IQCH: variants seen among roughly 807,000 people sequenced by gnomAD.
The protein encoded by IQCH is IQ domain-containing protein H.
A neutral mutation model predicts 117.0 loss-of-function variants in IQCH; 98 were observed. That is an observed-to-expected ratio of 0.84 (90% confidence interval 0.71 to 0.99). IQCH has a LOEUF of 0.99. Among genes scored for constraint, IQCH ranks in the 50% least tolerant of loss-of-function variants. IQCH has a pLI of 0.00. For synonymous variants in IQCH, 412 were observed against 448.2 expected (o/e 0.92, Z 1.02); for missense variants, 1,102 against 1,243.8 (o/e 0.89, Z 1.72).
intron 16 of IQCH, among the ~76,000 whole-genome samples, chr15:67,460,531 C>T (rs965775248): frequency 5.3e-5 from 8 of 152,298 alleles, no homozygotes; most frequent in South Asian, 2.1e-4. Flanking sequence ...ACTGCCAAAA[C>T]GTTGGACAGC....
Position 67,353,223 on chromosome 15 carries a change from A to T in IQCH, c.638-4122A>T, listed in dbSNP as rs544261859. 4.8e-3 allele frequency among the ~76,000 whole-genome samples: 733 copies of T among 152,104 alleles called. 6 individuals carry two copies. The highest frequency in any genetic ancestry group is 0.017 in the African/African-American group (701 of 41,534). The stretch of plus-strand genomic sequence containing the variant: ...TAAGCCTAATTAAACACAAGAAGAC[A>T]GAAAAAGAAAAGCAGTAAACTGGGA... On this transcript the variant is annotated intron_variant, in intron 6 of 20. Coordinates refer to ENST00000335894, the MANE Select transcript of IQCH (RefSeq NM_001031715.3).
In IQCH at chr15:67,493,010, G is replaced by C. The variant is rs1307437589; in HGVS notation, c.2862-1248G>C. ...CACCTGTACCTGAGATTTCAGGCAAGGATGCCTTGACCTGCAGGCTAGTTT... is the reference window on the plus strand; with the variant it reads ...CACCTGTACCTGAGATTTCAGGCAACGATGCCTTGACCTGCAGGCTAGTTT... On this transcript the variant is annotated intron_variant, in intron 19 of 20. Transcript: ENST00000335894. This position sits in a 1 kb window ranked among gnomAD's most constrained non-coding sequence, Gnocchi z 5.1. Among the ~76,000 whole-genome samples, 3 of 152,188 alleles carry C rather than the reference G, an allele frequency of 2.0e-5. No homozygotes were observed. The highest frequency in any genetic ancestry group is 2.0e-4 in the Admixed American group (3 of 15,278).
At chr15:67,333,759 A>C (rs1968772803) in intron 4 of IQCH, among the ~76,000 whole-genome samples, 1 of 152,126 alleles carries the variant, frequency 6.6e-6, no homozygotes, top group African/African-American at 2.4e-5. Flanking sequence ...TATTTTTTAC[A>C]TTTTCAAAAA....
intron 4 of IQCH, among the ~76,000 whole-genome samples, chr15:67,311,026 T>C (rs907981693): frequency 6.6e-6 from 1 of 152,136 alleles, no homozygotes; most frequent in Admixed American, 6.6e-5. Flanking sequence ...CACTATCTTA[T>C]TTAACCCTTA....
intron 4 of IQCH, among the ~76,000 whole-genome samples, chr15:67,291,371 T>C (rs1418823339): frequency 1.3e-5 from 2 of 152,252 alleles, no homozygotes; most frequent in Middle Eastern, 3.4e-3. Flanking sequence ...TTCTAGAATT[T>C]CCTGGAATCT....
At chr15:67,383,608 TA>T (rs1263954774) in intron 10 of IQCH, among the ~76,000 whole-genome samples, 1 of 152,192 alleles carries the variant, frequency 6.6e-6, no homozygotes, top group Non-Finnish European at 1.5e-5. Context: ...TACATCTTTC[TA>T]AACATTTATT....
chr15:67,412,212 C>G lies in IQCH; in HGVS notation c.2098-4719C>G, dbSNP rs183956019. ...AAAGTCAAGTGTATTTTTTCTAGCA[C>G]TTGTTTATTATCAACAAGGTATATA... is the stretch of plus-strand genomic sequence containing the variant. On this transcript the variant is annotated intron_variant, in intron 14 of 20. Transcript: ENST00000335894. Among the ~76,000 whole-genome samples the G allele has an allele frequency of 1.6e-3, 246 of 152,294 alleles. 1 individual carries two copies. The highest frequency in any genetic ancestry group is 1.5e-3 in the Non-Finnish European group (102 of 68,026).
chr15:67,290,041 T>C (rs1966699609), intron 4 of IQCH, among the ~76,000 whole-genome samples: 2 of 152,086 alleles, frequency 1.3e-5, no homozygotes, highest in African/African-American at 4.8e-5. Flanking sequence ...TTGAATCTTT[T>C]GTCTTCATTC....
At chr15:67,350,724 C>G (rs779799471) in intron 6 of IQCH, among the ~76,000 whole-genome samples, 3 of 152,064 alleles carry the variant, frequency 2.0e-5, no homozygotes, top group Non-Finnish European at 4.4e-5. Context: ...CCGTGCCTAG[C>G]CTGGAATTAT....
At chr15:67,280,032 A>T (rs1364748785) in intron 4 of IQCH, among the ~76,000 whole-genome samples, 1 of 152,156 alleles carries the variant, frequency 6.6e-6, no homozygotes, top group African/African-American at 2.4e-5. Flanking sequence ...AAAAATGTGA[A>T]TTTTATGGTA....
chr15:67,315,201 A>G (rs1967789507), intron 4 of IQCH, among the ~76,000 whole-genome samples: 1 of 152,194 alleles, frequency 6.6e-6, no homozygotes, highest in South Asian at 2.1e-4. Flanking sequence ...GCCTGATCTG[A>G]TGAGCATATT....
At chr15:67,470,830 C>G (rs1485749834) in intron 17 of IQCH, among the ~76,000 whole-genome samples, 1 of 152,152 alleles carries the variant, frequency 6.6e-6, no homozygotes, top group Admixed American at 6.5e-5. Flanking sequence ...AGGTAACCAC[C>G]ATTCTGTGTC....
chr15:67,261,471 A>AT, intron 2 of IQCH, 77 bp downstream of exon 2: 12 of 1,240,216 alleles, frequency 9.7e-6, no homozygotes, highest in Non-Finnish European at 1.3e-5. Context: ...CAGTTCTCAT[A>AT]GAGTCCTGCA....
At chr15:67,349,071 A>G (rs1969535349) in intron 6 of IQCH, among the ~76,000 whole-genome samples, 2 of 152,262 alleles carry the variant, frequency 1.3e-5, no homozygotes, top group African/African-American at 4.8e-5. Flanking sequence ...GGAAAAAAAG[A>G]ACCTTAACCC....
rs541551428 is a variant in IQCH at position 67,474,227 on chromosome 15, A to T, written c.2677-1469A>T. Among the ~76,000 whole-genome samples the T allele has an allele frequency of 6.6e-6, 1 of 152,212 alleles. No homozygotes were observed. The highest frequency in any genetic ancestry group is 2.4e-5 in the African/African-American group (1 of 41,546). ...CGAGCCAGAGGCCTGATTATAATGC[A>T]TGTCAGGTCACTACGATTCCTTACG... On this transcript the variant is annotated intron_variant, in intron 17 of 20. Transcript: ENST00000335894. This position sits in a 1 kb window ranked among gnomAD's most constrained non-coding sequence, Gnocchi z 4.1.
rs781652166 is a variant in IQCH, at chr15:67,372,181, G to T, written c.824G>T (p.Gly275Val). Residue 275 changes from glycine (G) to valine (V), a missense_variant, in exon 9 of 21, where the codon GGT (glycine) becomes GTT (valine). Physicochemically the swap from Gly to Val is moderately radical, Grantham distance 109. Coordinates refer to ENST00000335894, the MANE Select transcript of IQCH (RefSeq NM_001031715.3). ...LWDYDFLIYD[G>V]VIDNTAPDFL... is the part of the protein sequence containing the mutation. ...GATTATGACTTTTTAATTTATGATG[G>T]TGTCATAGACAATACAGCCCCAGAC... 8 of 1,613,832 alleles carry T rather than the reference G, an allele frequency of 5.0e-6. No homozygotes were observed. The South Asian group carries it at 8.8e-5, about 18-fold the overall frequency.
At chr15:67,383,561 C>T (rs1971013067) in intron 10 of IQCH, among the ~76,000 whole-genome samples, 1 of 152,176 alleles carries the variant, frequency 6.6e-6, no homozygotes, top group African/African-American at 2.4e-5. Flanking sequence ...TAGGCATTTT[C>T]CTGCCTTTTT....
chr15:67,331,947 G>A (rs1968684474), intron 4 of IQCH, among the ~76,000 whole-genome samples: 1 of 152,146 alleles, frequency 6.6e-6, no homozygotes, highest in Admixed American at 6.5e-5. Flanking sequence ...TCCACATTTA[G>A]CCACAGGGGA....
chr15:67,413,097 G>GTC lies in IQCH; in HGVS notation c.2098-3833_2098-3832insCT, dbSNP rs2081489611. On this transcript the variant is annotated intron_variant, in intron 14 of 20. Coordinates refer to ENST00000335894, the MANE Select transcript of IQCH (RefSeq NM_001031715.3). This position sits in a 1 kb window ranked among gnomAD's most constrained non-coding sequence, Gnocchi z 5.0. ...TGTGTGTGTGTGTGTGTGTGTGTGTGTGTCTGTGTGTACATAAGTTTGTTT... is the reference window on the plus strand; with the variant it reads ...TGTGTGTGTGTGTGTGTGTGTGTGTGTCTGTCTGTGTGTACATAAGTTTGTTT... Among the ~76,000 whole-genome samples the GTC allele has an allele frequency of 6.6e-6, 1 of 151,522 alleles. No individual in the cohort carries two copies. Among genetic ancestry groups the GTC allele is most frequent in the Admixed American group, 6.6e-5 (1 of 15,230 alleles).
Sources: allele counts gnomAD v4.1 joint callset (sites outside exome capture counted in the v4.1 genomes callset), GRCh38; gene constraint gnomAD v4.1.1; non-coding constraint Gnocchi (gnomAD v3.1); transcripts MANE v1.5; gene names NCBI Gene and HGNC (gene_info 2026-07-23, HGNC 2026-07-21).